EPHA3: variants seen among roughly 807,000 people sequenced by gnomAD.
The protein encoded by EPHA3 is EPH receptor A3, also known as ephrin type-A receptor 3.
A neutral mutation model predicts 107.1 loss-of-function variants in EPHA3; 42 were observed. The ratio of observed to expected loss-of-function variants is 0.39; its 90% CI spans 0.31 to 0.51. The LOEUF (loss-of-function observed/expected upper bound fraction) is 0.51. EPHA3 is among the 20% of genes least tolerant of loss of function. The pLI is 0.78. For missense variants in EPHA3, 1,183 were observed against 1,211.2 expected, an observed-to-expected ratio of 0.98 and a Z score of 0.35; for synonymous variants, 461 against 424.8, an observed-to-expected ratio of 1.09 and a Z score of -1.05.
chr3:89,145,121 A>T (rs912065370), intron 2 of EPHA3, among the ~76,000 whole-genome samples: 1 of 151,760 alleles, frequency 6.6e-6, no homozygotes, highest in Middle Eastern at 3.4e-3. Context: ...TTGATAGAGG[A>T]GGGGAGACAG....
At chr3:89,336,071 T>G (rs937651684) in intron 3 of EPHA3, among the ~76,000 whole-genome samples, 2 of 152,200 alleles carry the variant, frequency 1.3e-5, no homozygotes, top group African/African-American at 4.8e-5. Context: ...TCTTGTCTAA[T>G]CTCTTTTTTC....
At chr3:89,363,370 A>G (rs1708133157) in intron 5 of EPHA3, among the ~76,000 whole-genome samples, 2 of 150,892 alleles carry the variant, frequency 1.3e-5, no homozygotes, top group South Asian at 2.1e-4. Context: ...CTGCAGGGTA[A>G]GCTGATAGGC....
chr3:89,460,442 T>C (rs550003745), intron 15 of EPHA3, among the ~76,000 whole-genome samples: 321 of 152,266 alleles, frequency 2.1e-3, no homozygotes, highest in African/African-American at 7.3e-3. Context: ...AATTGAAATG[T>C]TTTTAAATAT....
chr3:89,139,876 A>G (rs1334399938), intron 2 of EPHA3, among the ~76,000 whole-genome samples: 2 of 151,758 alleles, frequency 1.3e-5, no homozygotes, highest in Non-Finnish European at 2.9e-5. Flanking sequence ...ATCAGATTAT[A>G]CTTTATAGAA....
rs34438291 is a variant in EPHA3, at chr3:89,222,326, CATATATATATATAT to C, written c.814+11821_814+11834del. On this transcript the variant is annotated intron_variant, in intron 3 of 16. Transcript: ENST00000336596. ...TTTAAAAAGCTCATAAATACATATA[CATATATATATATAT>C]ATATATATATATATGTATATGTATA... Among the ~76,000 whole-genome samples the C allele has an allele frequency of 3.0e-3, 416 of 138,530 alleles. 1 individual carries two copies. The highest frequency in any genetic ancestry group is 5.3e-3 in the Non-Finnish European group (343 of 64,616). 90.9% of individuals were successfully genotyped at this position (138,530 alleles called of 152,430 possible). A position where few individuals can be genotyped will look rare whatever the true frequency, so the allele number is the denominator to read the frequency against.
intron 3 of EPHA3, among the ~76,000 whole-genome samples, chr3:89,245,185 G>T (rs1220608139): frequency 1.3e-5 from 2 of 152,108 alleles, no homozygotes; most frequent in East Asian, 3.9e-4. Flanking sequence ...ACAACTTTGA[G>T]TTACTTTAAA....
Position 89,203,335 on chromosome 3 carries a change from CA to C in EPHA3, c.154-6521del, listed in dbSNP as rs1233918206. ...TGCTTAGCCGGAATTAAAAAAAAAA[CA>C]AAACAAAACAAAACAAAAAAAAAAT... On this transcript the variant is annotated intron_variant, in intron 2 of 16. Transcript: ENST00000336596. Among the ~76,000 whole-genome samples, 3 of 43,650 alleles carry C rather than the reference CA, an allele frequency of 6.9e-5. 1 individual carries two copies. The highest frequency in any genetic ancestry group is 1.5e-4 in the African/African-American group (3 of 19,702). The allele number at this position is 43,650 out of a possible 152,430, so 28.6% of individuals were successfully genotyped here.
chr3:89,374,514 T>G (rs1441035905), intron 5 of EPHA3, among the ~76,000 whole-genome samples: 1 of 151,906 alleles, frequency 6.6e-6, no homozygotes, highest in African/African-American at 2.4e-5. Flanking sequence ...AAATTGCTGT[T>G]TTATACTGTT....
intron 3 of EPHA3, among the ~76,000 whole-genome samples, chr3:89,213,177 C>T (rs1175575181): frequency 6.6e-6 from 1 of 151,962 alleles, no homozygotes; most frequent in Non-Finnish European, 1.5e-5. Flanking sequence ...CTGCAAGGTG[C>T]TCATGAGTGT....
chr3:89,460,290 C>A (rs1559704819), intron 15 of EPHA3, among the ~76,000 whole-genome samples: 4 of 151,236 alleles, frequency 2.6e-5, no homozygotes, highest in African/African-American at 4.9e-5. Flanking sequence ...ATTCTTGACA[C>A]AAAAAAATTA....
chr3:89,229,565 T>C (rs999669116), intron 3 of EPHA3, among the ~76,000 whole-genome samples: 1 of 151,162 alleles, frequency 6.6e-6, no homozygotes, highest in Non-Finnish European at 1.5e-5. Context: ...TTAGGTTTCA[T>C]GAGTTATTTA....
intron 2 of EPHA3, among the ~76,000 whole-genome samples, chr3:89,148,871 ATTGT>A: frequency 6.6e-6 from 1 of 152,146 alleles, no homozygotes; most frequent in African/African-American, 2.4e-5. Context: ...AATAGACATT[ATTGT>A]TTATTTGGAG....
chr3:89,114,354 T>A (rs1387183570), intron 1 of EPHA3, among the ~76,000 whole-genome samples: 1 of 152,082 alleles, frequency 6.6e-6, no homozygotes, highest in Non-Finnish European at 1.5e-5. Flanking sequence ...ACCATCAGGG[T>A]GTCTTAACCA....
intron 3 of EPHA3, among the ~76,000 whole-genome samples, chr3:89,231,367 T>C (rs1007460523): frequency 1.3e-5 from 2 of 152,184 alleles, no homozygotes; most frequent in South Asian, 2.1e-4. Flanking sequence ...TATCTAAATA[T>C]GTATGTACCT....
At chr3:89,143,328 C>T (rs1026277716) in intron 2 of EPHA3, among the ~76,000 whole-genome samples, 6 of 151,322 alleles carry the variant, frequency 4.0e-5, no homozygotes, top group African/African-American at 1.2e-4. Context: ...TACTAAGTGG[C>T]GTTGAAAGAT....
Position 89,479,473 on chromosome 3 carries a change from C to A in EPHA3, c.2923C>A (p.Gln975Lys), listed in dbSNP as rs1237297238. ...IISSIKALETQSKNGPVPV is the reference protein window; with the variant it reads ...IISSIKALETKSKNGPVPV ...CAGTAGCATTAAAGCTCTAGAAACG[C>A]AATCAAAGAATGGCCCAGTTCCCGT... The change falls in exon 17 of 17, where the codon CAA becomes AAA. Residue 975 changes from glutamine to lysine, a missense_variant. Coordinates refer to ENST00000336596, the MANE Select transcript of EPHA3 (RefSeq NM_005233.6). The A allele has an allele frequency of 1.8e-5, 29 of 1,614,106 alleles. No individual in the cohort carries two copies. The highest frequency in any genetic ancestry group is 2.5e-5 in the Non-Finnish European group (29 of 1,180,004).
rs185131146 is a variant in EPHA3, at chr3:89,387,282, A to G, written c.1307-8555A>G. 5.1e-3 allele frequency among the ~76,000 whole-genome samples: 775 copies of G among 152,274 alleles called. 9 individuals carry two copies. The highest frequency in any genetic ancestry group is 0.018 in the African/African-American group (737 of 41,556). ...GGAACCATGGGTGGGAGGTAATTAA[A>G]TCATGGGGACAGTTACACTCATGCC... On this transcript the variant is annotated intron_variant, in intron 5 of 16. Coordinates refer to ENST00000336596, the MANE Select transcript of EPHA3 (RefSeq NM_005233.6).
intron 2 of EPHA3, among the ~76,000 whole-genome samples, chr3:89,197,353 C>T (rs1422460942): frequency 6.6e-6 from 1 of 151,454 alleles, no homozygotes; most frequent in African/African-American, 2.4e-5. Context: ...TTATTATCTC[C>T]ATTTTAAACA....
At chr3:89,343,265 GAC>G (rs760369679) in intron 5 of EPHA3, among the ~76,000 whole-genome samples, 7 of 152,180 alleles carry the variant, frequency 4.6e-5, no homozygotes, top group Non-Finnish European at 7.3e-5. Context: ...AACTAGTAAA[GAC>G]ACAGAGTAAG....
Sources: allele counts gnomAD v4.1 joint callset (sites outside exome capture counted in the v4.1 genomes callset), GRCh38; gene constraint gnomAD v4.1.1; transcripts MANE v1.5; gene names NCBI Gene and HGNC (gene_info 2026-07-23, HGNC 2026-07-21).